The following TRAPPC9 variants were observed in gnomAD, a reference collection of about 807,000 sequenced individuals.
The protein encoded by TRAPPC9 is IKK2 binding protein.
TRAPPC9 carries 83 observed loss-of-function variants against 124.0 expected under a neutral mutation model. The observed-to-expected ratio is 0.67, with a 90% CI of 0.56 to 0.80. The LOEUF is 0.80. TRAPPC9 is among the 30% of genes least tolerant of loss of function. The pLI is 0.00. For synonymous variants in TRAPPC9, 638 were observed against 617.5 expected (o/e 1.03, Z -0.49); for missense variants, 1,302 against 1,508.3 (o/e 0.86, Z 2.27).
intron 19 of TRAPPC9, among the ~76,000 whole-genome samples, chr8:139,975,348 A>C (rs1445986020): frequency 6.6e-6 from 1 of 152,130 alleles, no homozygotes; most frequent in Non-Finnish European, 1.5e-5. Flanking sequence ...TAAACTACAG[A>C]TCGCTGGGCC....
chr8:139,756,460 G>A (rs1207710089), intron 21 of TRAPPC9, among the ~76,000 whole-genome samples: 10 of 134,592 alleles, frequency 7.4e-5, no homozygotes, highest in Admixed American at 6.5e-4. Flanking sequence ...GGTCGCAGAA[G>A]GAGCCAGGGT....
rs148582002 is a variant in TRAPPC9 at position 139,998,729 on chromosome 8, T to A, written c.2700-9893A>T. Among the ~76,000 whole-genome samples the A allele has an allele frequency of 8.4e-3, 1,268 of 151,392 alleles. 11 individuals carry two copies. Among genetic ancestry groups the A allele is most frequent in the African/African-American group, 0.028 (1,155 of 41,114 alleles). Reference sequence around the variant, plus strand: ...ACAGCGAGACTCCGTCTCAAAAAAATAAATAAATAAATAAAACAAAACAAA... The same window carrying A: ...ACAGCGAGACTCCGTCTCAAAAAAAAAAATAAATAAATAAAACAAAACAAA... On this transcript the variant is annotated intron_variant, in intron 18 of 22. Coordinates refer to ENST00000438773, the MANE Select transcript of TRAPPC9 (RefSeq NM_001160372.4).
chr8:140,081,847 A>G (rs1015433045), intron 17 of TRAPPC9: 1 of 152,254 alleles, frequency 6.6e-6, no homozygotes, highest in African/African-American at 2.4e-5. Context: ...CCCTCAGTCC[A>G]TATCTCTGTC....
chr8:140,272,137 G>GATGGTGATGGTGGCGATGGTC (rs2064934932), intron 15 of TRAPPC9, among the ~76,000 whole-genome samples: 2 of 150,938 alleles, frequency 1.3e-5, no homozygotes, highest in Admixed American at 1.3e-4. Flanking sequence ...TGGCGATGGT[G>GATGGTGATGGTGGCGATGGTC]ATGGTGATGG....
At chr8:140,400,270 A>G (rs2069221950) in intron 6 of TRAPPC9, among the ~76,000 whole-genome samples, 1 of 152,238 alleles carries the variant, frequency 6.6e-6, no homozygotes, top group Admixed American at 6.5e-5. Flanking sequence ...TGGAAGCAAA[A>G]GCGATTGGTG....
At chr8:140,062,975 GAAGCCTCAGGAAACTTAC>G (rs57159336) in intron 17 of TRAPPC9, among the ~76,000 whole-genome samples, 70,185 of 151,890 alleles carry the variant, frequency 0.46, 16,865 homozygotes, top group Middle Eastern at 0.56. Context: ...CATGCCTGGG[GAAGCCTCAGGAAACTTAC>G]AATCGTGGCA....
chr8:139,795,760 G>A (rs1368731705), intron 21 of TRAPPC9, among the ~76,000 whole-genome samples: 3 of 152,138 alleles, frequency 2.0e-5, no homozygotes, highest in Non-Finnish European at 2.9e-5. Context: ...CAGTGAGCGT[G>A]AGGGGTGGGA....
At chr8:139,977,783 C>T (rs996321065) in intron 19 of TRAPPC9, among the ~76,000 whole-genome samples, 2 of 151,770 alleles carry the variant, frequency 1.3e-5, no homozygotes, top group African/African-American at 2.4e-5. Flanking sequence ...TGGGTTCAAG[C>T]AATTCCCCTG....
intron 16 of TRAPPC9, among the ~76,000 whole-genome samples, chr8:140,230,817 G>A (rs2063574097): frequency 6.6e-6 from 1 of 152,136 alleles, no homozygotes; most frequent in Non-Finnish European, 1.5e-5. Flanking sequence ...TGAAGCAGGT[G>A]AGGACTCAGC....
chr8:139,874,872 A>ACG (rs1178825674), intron 21 of TRAPPC9, among the ~76,000 whole-genome samples: 1 of 152,150 alleles, frequency 6.6e-6, no homozygotes. Flanking sequence ...CAAGTCCCAC[A>ACG]CGCGCATAAC....
intron 17 of TRAPPC9, among the ~76,000 whole-genome samples, chr8:140,170,980 G>A (rs560270100): frequency 6.6e-6 from 1 of 152,328 alleles, no homozygotes; most frequent in Admixed American, 6.5e-5. Flanking sequence ...CATCCCACCT[G>A]GAAAACACCA....
chr8:140,395,012 C>G (rs1050150611), intron 7 of TRAPPC9, among the ~76,000 whole-genome samples: 2 of 152,120 alleles, frequency 1.3e-5, no homozygotes, highest in Non-Finnish European at 2.9e-5. Context: ...TTCATTTGCC[C>G]GGCATCACTG....
At chr8:140,298,026 C>CTTTTA (rs2065862313) in intron 11 of TRAPPC9, among the ~76,000 whole-genome samples, 1 of 152,122 alleles carries the variant, frequency 6.6e-6, no homozygotes, top group Non-Finnish European at 1.5e-5. Context: ...TTCTAAAAGT[C>CTTTTA]GTTTCTCTAA....
intron 21 of TRAPPC9, among the ~76,000 whole-genome samples, chr8:139,753,073 T>TATCCATCC (rs138670884): frequency 1.3e-4 from 16 of 123,860 alleles, no homozygotes; most frequent in African/African-American, 3.2e-4. Flanking sequence ...CCCACCCATC[T>TATCCATCC]ATCCATCCAT....
chr8:140,443,242 T>C lies in TRAPPC9; in HGVS notation c.585-4045A>G, dbSNP rs1371894192. ...CAAAGTCAGGAGATCGAGACCATCC[T>C]GGCTAACATGATGAAACCCCGTCTC... is the stretch of plus-strand genomic sequence containing the variant. On this transcript the variant is annotated intron_variant, in intron 2 of 22. Coordinates refer to ENST00000438773, the MANE Select transcript of TRAPPC9 (RefSeq NM_001160372.4). Among the ~76,000 whole-genome samples, 3 of 147,170 alleles carry C rather than the reference T, an allele frequency of 2.0e-5. No individual in the cohort carries two copies. In the Admixed American group the frequency reaches 2.0e-4, roughly 10 times the overall value.
chr8:139,823,293 A>G (rs1246186374), intron 21 of TRAPPC9, among the ~76,000 whole-genome samples: 1 of 151,942 alleles, frequency 6.6e-6, no homozygotes, highest in African/African-American at 2.4e-5. Context: ...TGATGTGGAG[A>G]AAGAGTGTGA....
chr8:139,857,032 G>A lies in TRAPPC9; in HGVS notation c.3055+28847C>T, dbSNP rs986656426. 2.4e-4 allele frequency among the ~76,000 whole-genome samples: 36 copies of A among 152,036 alleles called. 1 individual carries two copies. The highest frequency in any genetic ancestry group is 8.0e-4 in the African/African-American group (33 of 41,406). ...TAAGGAGCAACGGGACAGTCGGGAC[G>A]CCCTGGGAATCTGGGCGGGGGGAGC... On this transcript the variant is annotated intron_variant, in intron 21 of 22. Coordinates refer to ENST00000438773, the MANE Select transcript of TRAPPC9 (RefSeq NM_001160372.4).
chr8:139,920,456 G>A (rs1454586146), intron 19 of TRAPPC9, among the ~76,000 whole-genome samples: 2 of 152,202 alleles, frequency 1.3e-5, no homozygotes, highest in Non-Finnish European at 2.9e-5. Context: ...CCGTGCCCTT[G>A]GGCAAGTCAC....
intron 19 of TRAPPC9, among the ~76,000 whole-genome samples, chr8:139,917,822 G>A (rs1052755736): frequency 1.6e-4 from 25 of 152,240 alleles, no homozygotes; most frequent in African/African-American, 5.5e-4. Flanking sequence ...CCACAGAGTC[G>A]TCCCCATCGC....
Sources: gnomAD v4.1 joint callset for allele counts (sites outside exome capture counted in the v4.1 genomes callset) on GRCh38, gnomAD v4.1.1 for gene constraint, MANE v1.5 for transcripts, NCBI Gene and HGNC (gene_info 2026-07-23, HGNC 2026-07-21) for gene names.